The following KIF16B variants were observed in gnomAD, a reference collection of about 807,000 sequenced individuals.
The protein encoded by KIF16B is kinesin-like protein KIF16B.
KIF16B carries 98 observed loss-of-function variants against 156.3 expected under a neutral mutation model. The ratio of observed to expected loss-of-function variants is 0.63; its 90% CI spans 0.53 to 0.74. KIF16B has a LOEUF of 0.74. Ranked by LOEUF, KIF16B falls within the 30% of genes least tolerant of loss-of-function variation. KIF16B has a pLI of 0.00. For missense variants in KIF16B, 1,421 were observed against 1,606.5 expected (o/e 0.88, Z 1.97); for synonymous variants, 564 against 583.7 (o/e 0.97, Z 0.49).
intron 1 of KIF16B, among the ~76,000 whole-genome samples, chr20:16,547,029 G>A (rs948925266): frequency 6.6e-6 from 1 of 152,070 alleles, no homozygotes; most frequent in East Asian, 1.9e-4. Context: ...TGCCGGCCTC[G>A]GTCTCCCAAA....
Position 16,506,597 on chromosome 20 carries a change from C to A in KIF16B, c.700-407G>T, listed in dbSNP as rs965278140. 2.6e-5 allele frequency among the ~76,000 whole-genome samples: 4 copies of A among 152,138 alleles called. No homozygotes were observed. In the East Asian group the frequency reaches 5.8e-4, roughly 22 times the overall value. ...CAATATAGACAAGTACGGAAAAGAG[C>A]ATTCAACCATTATCGGATGTTAAAA... On this transcript the variant is annotated intron_variant, in intron 7 of 25. Transcript: ENST00000354981.
intron 17 of KIF16B, among the ~76,000 whole-genome samples, chr20:16,395,808 G>A (rs1057072582): frequency 1.3e-5 from 2 of 151,874 alleles, no homozygotes; most frequent in South Asian, 2.1e-4. Flanking sequence ...TAATTATATC[G>A]ACACATTCAA....
intron 1 of KIF16B, among the ~76,000 whole-genome samples, chr20:16,573,010 G>T (rs1225932514): frequency 2.0e-5 from 3 of 152,178 alleles, no homozygotes; most frequent in African/African-American, 7.2e-5. Context: ...AGAGTTAATA[G>T]AATCTTCTCC....
Position 16,512,636 on chromosome 20 carries a change from T to C in KIF16B, c.446+190A>G, listed in dbSNP as rs187727434. ...AGCTCCCAAATCTTTATCCAAACTG[T>C]ACCCAAGAAAATCACTAAAAACTTA... is the stretch of plus-strand genomic sequence containing the variant. On this transcript the variant is annotated intron_variant, in intron 5 of 25. Transcript: ENST00000354981. 3.9e-5 allele frequency among the ~76,000 whole-genome samples: 6 copies of C among 152,332 alleles called. No homozygotes were observed. In the East Asian group the frequency reaches 1.2e-3, roughly 29 times the overall value.
chr20:16,509,528 C>T (rs1423787497), intron 6 of KIF16B, among the ~76,000 whole-genome samples: 1 of 152,172 alleles, frequency 6.6e-6, no homozygotes, highest in African/African-American at 2.4e-5. Flanking sequence ...AATGTTACCT[C>T]CAAGTATTCT....
rs369060423 is a variant in KIF16B at position 16,386,782 on chromosome 20, C to T, written c.1785-5035G>A. 3.9e-5 allele frequency among the ~76,000 whole-genome samples: 6 copies of T among 152,166 alleles called. No individual in the cohort carries two copies. The East Asian group carries it at 1.2e-3, about 30-fold the overall frequency. ...GGGTGCAGCCCAGACCAAATTCTGG[C>T]TCCTATATGACCAAGGGACAATCTC... On this transcript the variant is annotated intron_variant, in intron 17 of 25. Transcript: ENST00000354981.
chr20:16,360,675 A>AT (rs1204892876), intron 22 of KIF16B, among the ~76,000 whole-genome samples: 1 of 152,158 alleles, frequency 6.6e-6, no homozygotes, highest in East Asian at 1.9e-4. Context: ...TACAAAAAAT[A>AT]TTTTTTCTGA....
chr20:16,359,728 T>C (rs149219079), intron 22 of KIF16B, among the ~76,000 whole-genome samples: 79 of 151,976 alleles, frequency 5.2e-4, no homozygotes, highest in African/African-American at 1.8e-3. Context: ...ACCAGGTATT[T>C]GAGAATGAGT....
chr20:16,559,704 G>A (rs1381366667), intron 1 of KIF16B, among the ~76,000 whole-genome samples: 1 of 152,134 alleles, frequency 6.6e-6, no homozygotes, highest in Admixed American at 6.5e-5. Flanking sequence ...CTTGAGCCCA[G>A]CAGGCTGAGG....
At chr20:16,308,443 T>A (rs1377978051) in intron 25 of KIF16B, among the ~76,000 whole-genome samples, 1 of 152,188 alleles carries the variant, frequency 6.6e-6, no homozygotes, top group Non-Finnish European at 1.5e-5. Context: ...TCAACAGCAA[T>A]GGCCTTTCTT....
At chr20:16,357,599 A>G (rs2064469127) in intron 22 of KIF16B, among the ~76,000 whole-genome samples, 1 of 152,228 alleles carries the variant, frequency 6.6e-6, no homozygotes. Context: ...GACTATAAAG[A>G]AAACAGGGGG....
intron 17 of KIF16B, among the ~76,000 whole-genome samples, chr20:16,384,486 A>C (rs1284133336): frequency 6.6e-6 from 1 of 152,204 alleles, no homozygotes; most frequent in Non-Finnish European, 1.5e-5. Context: ...GCAAGACATG[A>C]AGCTCAAGAG....
intron 12 of KIF16B, among the ~76,000 whole-genome samples, chr20:16,466,802 G>A (rs1158608458): frequency 1.3e-5 from 2 of 151,674 alleles, no homozygotes; most frequent in Non-Finnish European, 2.9e-5. Context: ...ACCAGTACCA[G>A]GGTAGGAAAA....
chr20:16,367,702 A>G (rs949979271), intron 22 of KIF16B: 3 of 1,612,432 alleles, frequency 1.9e-6, no homozygotes, highest in African/African-American at 2.7e-5. Context: ...TGGCAAAACT[A>G]AATCAGGGAT....
chr20:16,280,486 GC>G (rs1209843270), intron 25 of KIF16B, among the ~76,000 whole-genome samples: 3 of 152,218 alleles, frequency 2.0e-5, no homozygotes, highest in African/African-American at 7.2e-5. Context: ...AATGCAGAGG[GC>G]CTTGAATATG....
chr20:16,343,255 A>G (rs1228692893), intron 23 of KIF16B, among the ~76,000 whole-genome samples: 1 of 152,188 alleles, frequency 6.6e-6, no homozygotes, highest in East Asian at 1.9e-4. Flanking sequence ...GATGGACTGC[A>G]TTTACTTATA....
At position 16,433,442 on chromosome 20, in the gene KIF16B, A is replaced by C. The variant is rs115493108; in HGVS notation, c.1303-3460T>G. On this transcript the variant is annotated intron_variant, in intron 12 of 25. Transcript: ENST00000354981. ...TTTGGACTACATCCCAGTTTCGTTTACTATTCTTTCTTTTTTTAACCATTG... is the reference window on the plus strand; with the variant it reads ...TTTGGACTACATCCCAGTTTCGTTTCCTATTCTTTCTTTTTTTAACCATTG... Among the ~76,000 whole-genome samples the C allele has an allele frequency of 3.4e-3, 512 of 152,168 alleles. 1 individual carries two copies. Among genetic ancestry groups the C allele is most frequent in the African/African-American group, 0.011 (477 of 41,508 alleles).
Position 16,379,138 on chromosome 20 carries a change from T to C in KIF16B, c.2864A>G (p.Gln955Arg), listed in dbSNP as rs750263890. 34 of 1,614,136 alleles carry C rather than the reference T, an allele frequency of 2.1e-5. No homozygotes were observed. Among genetic ancestry groups the C allele is most frequent in the Non-Finnish European group, 2.9e-5 (34 of 1,180,048 alleles). ...TGCATTGGCCTGGTACTGTGCAAGCTGTTCTTCTTTTTCTTCCATTTCCTT... is the reference window on the plus strand; with the variant it reads ...TGCATTGGCCTGGTACTGTGCAAGCCGTTCTTCTTTTTCTTCCATTTCCTT... ...VEKEMEEKEE[Q>R]LAQYQANANQ... Residue 955 changes from glutamine (Q) to arginine (R), a missense_variant, in exon 19 of 26, where the codon CAG (glutamine) becomes CGG (arginine). Coordinates refer to ENST00000354981, the MANE Select transcript of KIF16B (RefSeq NM_024704.5).
intron 12 of KIF16B, among the ~76,000 whole-genome samples, chr20:16,482,324 G>A (rs1461818489): frequency 2.0e-5 from 3 of 151,960 alleles, no homozygotes; most frequent in Non-Finnish European, 4.4e-5. Context: ...AATCAACCAG[G>A]ATGCTAAGGA....
Sources: gnomAD v4.1 joint callset for allele counts (sites outside exome capture counted in the v4.1 genomes callset) on GRCh38, gnomAD v4.1.1 for gene constraint, MANE v1.5 for transcripts, NCBI Gene and HGNC (gene_info 2026-07-23, HGNC 2026-07-21) for gene names.